The following SBF2 variants were observed in gnomAD, a reference collection of about 807,000 sequenced individuals.
SBF2 encodes the protein SET binding factor 2.
In SBF2, 112 loss-of-function variants were observed where a neutral mutation model predicts 225.2. The observed-to-expected ratio is 0.50, with a 90% confidence interval of 0.43 to 0.58. The LOEUF is 0.58. SBF2 is among the 20% of genes least tolerant of loss of function. The pLI is 0.00. For synonymous variants in SBF2, 763 were observed against 773.3 expected, an observed-to-expected ratio of 0.99 and a Z score of 0.22; for missense variants, 1,996 against 2,206.2, an observed-to-expected ratio of 0.90 and a Z score of 1.91.
chr11:10,180,603 T>C (rs1956700692), intron 2 of SBF2, among the ~76,000 whole-genome samples: 1 of 152,176 alleles, frequency 6.6e-6, no homozygotes, highest in Non-Finnish European at 1.5e-5. Flanking sequence ...TACTTCAATA[T>C]TAATATCTTT....
At chr11:10,028,056 T>A (rs183324543) in intron 6 of SBF2, among the ~76,000 whole-genome samples, 2 of 152,262 alleles carry the variant, frequency 1.3e-5, no homozygotes, top group East Asian at 3.9e-4. Context: ...ATTTCAGGTG[T>A]GCACCAACAT....
Position 10,076,413 on chromosome 11 carries a change from A to C in SBF2, c.142-33432T>G, listed in dbSNP as rs145971146. The stretch of plus-strand genomic sequence containing the variant: ...ATCTTCAGATCAGGACTTGCAATCC[A>C]GTCTCTAGTGGGACAGGAGCCCCTA... On this transcript the variant is annotated intron_variant, in intron 2 of 39. Coordinates refer to ENST00000256190, the MANE Select transcript of SBF2 (RefSeq NM_030962.4). Among the ~76,000 whole-genome samples the C allele has an allele frequency of 1.2e-4, 19 of 152,356 alleles. 1 individual carries two copies. Among genetic ancestry groups the C allele is most frequent in the African/African-American group, 4.1e-4 (17 of 41,592 alleles).
chr11:9,798,292 A>G (rs1157180652), intron 32 of SBF2, among the ~76,000 whole-genome samples: 2 of 151,850 alleles, frequency 1.3e-5, no homozygotes, highest in Admixed American at 6.6e-5. Context: ...TTCCCCCTCA[A>G]CCTGTCCTGT....
At chr11:10,285,796 A>G (rs1238865237) in intron 1 of SBF2, among the ~76,000 whole-genome samples, 2 of 152,196 alleles carry the variant, frequency 1.3e-5, no homozygotes, top group African/African-American at 4.8e-5. Flanking sequence ...CATTTTGTCC[A>G]ATTCTTTCTT....
chr11:10,288,272 G>A (rs949953197), intron 1 of SBF2, among the ~76,000 whole-genome samples: 16 of 152,154 alleles, frequency 1.1e-4, no homozygotes, highest in African/African-American at 3.6e-4. Context: ...CTTGTTCTGT[G>A]ACCAGGAAGA....
chr11:9,956,171 T>C (rs184531446), intron 16 of SBF2, among the ~76,000 whole-genome samples: 47 of 152,312 alleles, frequency 3.1e-4, no homozygotes, highest in African/African-American at 1.1e-3. Context: ...CTAGTGTTGG[T>C]TGGCATATGA....
rs556374804 is a variant in SBF2, at chr11:10,274,387, TTACA to T, written c.55+19624_55+19627del. 1.2e-4 allele frequency among the ~76,000 whole-genome samples: 19 copies of T among 152,236 alleles called. No individual in the cohort carries two copies. In the East Asian group the frequency reaches 3.7e-3, roughly 29 times the overall value. ...CAGCAGGTTTCTGTAGTGTTTAAAA[TTACA>T]GGGTTTTGTTTTATTAAGGGTTTCA... On this transcript the variant is annotated intron_variant, in intron 1 of 39. Coordinates refer to ENST00000256190, the MANE Select transcript of SBF2 (RefSeq NM_030962.4).
Position 10,303,570 on chromosome 11 carries a change from T to G in SBF2, n.386+922A>C, listed in dbSNP as rs1442248230. 6.6e-6 allele frequency: 1 copy of G among 152,268 alleles called. No homozygotes were observed. The highest frequency in any genetic ancestry group is 2.4e-5 in the African/African-American group (1 of 41,458). 9.4% of individuals were successfully genotyped at this position (152,268 alleles called of 1,614,324 possible). On this transcript the variant is annotated intron_variant and non_coding_transcript_variant, in intron 1 of 5. Coordinates refer to the SBF2 transcript ENST00000685217. The surrounding 1 kb of genome is among the most constrained non-coding windows in gnomAD (Gnocchi z 5.2). ...CCATATGGCAGAGTAGGAAGGAAGCTTAAAGGTCTGCTGGGGACCGGCTCT... is the reference window on the plus strand; with the variant it reads ...CCATATGGCAGAGTAGGAAGGAAGCGTAAAGGTCTGCTGGGGACCGGCTCT...
At chr11:9,822,385 C>G (rs929367859) in intron 28 of SBF2, among the ~76,000 whole-genome samples, 3 of 151,984 alleles carry the variant, frequency 2.0e-5, no homozygotes, top group Non-Finnish European at 2.9e-5. Context: ...CTCAGCCTCC[C>G]GCATAGCTGG....
At chr11:9,842,383 C>T (rs1003986097) in intron 25 of SBF2, among the ~76,000 whole-genome samples, 1 of 152,128 alleles carries the variant, frequency 6.6e-6, no homozygotes, top group Non-Finnish European at 1.5e-5. Flanking sequence ...ATGAGACACA[C>T]ATAAAAATGA....
intron 1 of SBF2, among the ~76,000 whole-genome samples, chr11:10,251,357 C>A (rs1056170206): frequency 6.6e-6 from 1 of 152,178 alleles, no homozygotes; most frequent in Non-Finnish European, 1.5e-5. Context: ...ATAATAGACT[C>A]TATAGCAGAT....
At chr11:9,786,348 TTC>T (rs1302191135) in intron 36 of SBF2, among the ~76,000 whole-genome samples, 3 of 152,204 alleles carry the variant, frequency 2.0e-5, no homozygotes, top group Non-Finnish European at 4.4e-5. Context: ...TTTTATAACT[TTC>T]TGTGTGTTCT....
intron 36 of SBF2, among the ~76,000 whole-genome samples, chr11:9,786,334 C>T (rs1277148803): frequency 6.6e-6 from 1 of 152,118 alleles, no homozygotes; most frequent in Admixed American, 6.6e-5. Flanking sequence ...GGGTGATTCT[C>T]ATCTTTTATA....
intron 13 of SBF2, among the ~76,000 whole-genome samples, chr11:9,974,971 A>AAAAAG (rs1946615706): frequency 1.1e-5 from 1 of 95,204 alleles, no homozygotes; most frequent in African/African-American, 3.6e-5. Context: ...AAAAAAAAAA[A>AAAAAG]AAAAAAAAAA....
intron 2 of SBF2, among the ~76,000 whole-genome samples, chr11:10,188,120 G>T (rs542548968): frequency 4.6e-5 from 7 of 152,224 alleles, no homozygotes; most frequent in South Asian, 2.1e-4. Context: ...GAGAAATTGG[G>T]ACAGCAAATG....
intron 1 of SBF2, among the ~76,000 whole-genome samples, chr11:10,262,708 A>G (rs571875465): frequency 2.6e-5 from 4 of 152,350 alleles, no homozygotes; most frequent in South Asian, 4.1e-4. Context: ...GTATATGCAT[A>G]CACTACACAC....
chr11:10,079,582 T>C (rs1951277005), intron 2 of SBF2, among the ~76,000 whole-genome samples: 1 of 152,088 alleles, frequency 6.6e-6, no homozygotes, highest in Admixed American at 6.5e-5. Context: ...AACAAAGCAT[T>C]TGAGAAGTAT....
chr11:9,989,681 C>A, intron 12 of SBF2, 86 bp from the exon 13 acceptor site: 1 of 807,444 alleles, frequency 1.2e-6, no homozygotes, highest in South Asian at 1.6e-5. Context: ...ATTTGCAAGC[C>A]AAAAAAATCC....
intron 6 of SBF2, among the ~76,000 whole-genome samples, chr11:10,021,886 A>G (rs909840511): frequency 2.7e-4 from 41 of 152,166 alleles, no homozygotes; most frequent in African/African-American, 8.9e-4. Context: ...GGAAACAACA[A>G]CTCTGCACAC....
Sources: allele counts gnomAD v4.1 joint callset (sites outside exome capture counted in the v4.1 genomes callset), GRCh38; gene constraint gnomAD v4.1.1; non-coding constraint Gnocchi (gnomAD v3.1); transcripts MANE v1.5; gene names NCBI Gene and HGNC (gene_info 2026-07-23, HGNC 2026-07-21).